Variants in EVI5L observed in about 807,000 individuals in gnomAD.
EVI5L encodes ecotropic viral integration site 5 like, also known as EVI5-like protein.
In EVI5L, 30 loss-of-function variants were observed where a neutral mutation model predicts 106.1. That is an observed-to-expected ratio of 0.28 (90% confidence interval 0.21 to 0.38). The LOEUF is 0.38. EVI5L is among the 10% of genes least tolerant of loss of function. The pLI is 1.00. For synonymous variants in EVI5L, 489 were observed against 483.3 expected (o/e 1.01, Z -0.15); for missense variants, 809 against 1,098.0 (o/e 0.74, Z 3.72).
intron 1 of EVI5L, among the ~76,000 whole-genome samples, chr19:7,844,412 G>A (rs2146420907): frequency 6.6e-6 from 1 of 151,822 alleles, no homozygotes; most frequent in African/African-American, 2.4e-5. Flanking sequence ...CCCTGAGCTT[G>A]GGTTTCTTTG....
In EVI5L at chr19:7,863,314, G is replaced by A. The variant is rs1358513452; in HGVS notation, c.2139+34G>A. 18 of 1,549,094 alleles carry A rather than the reference G, an allele frequency of 1.2e-5. No individual in the cohort carries two copies. Among genetic ancestry groups the A allele is most frequent in the Non-Finnish European group, 1.5e-5 (17 of 1,146,472 alleles). ...GCGCGGGGATGCCGGGGACAGGCCT[G>A]GGTGTCGTCGGCCTGGGACGAGCCG... is the stretch of plus-strand genomic sequence containing the variant. On this transcript the variant is annotated intron_variant, in intron 19 of 19. Transcript: ENST00000538904. This position sits in a 1 kb window ranked among gnomAD's most constrained non-coding sequence, Gnocchi z 7.7.
In EVI5L at chr19:7,850,006, G is replaced by T; in HGVS notation, c.637G>T (p.Glu213Ter). The change falls in exon 6 of 20, where the codon GAG (glutamate) becomes TAG (stop). Residue 213 changes from glutamate to a stop codon, truncating the protein, a stop_gained. Coordinates refer to ENST00000538904, the MANE Select transcript of EVI5L (RefSeq NM_001159944.3). LOFTEE classifies it high-confidence loss of function. This position sits in a 1 kb window ranked among gnomAD's most constrained non-coding sequence, Gnocchi z 5.4. Reference protein sequence around the residue: ...VGLLLMQMPEEEAFCVFVRLM... With the variant: ...VGLLLMQMPE ...TGCCCGTCCCCCCTAGATGCCTGAG[G>T]AGGAGGCCTTCTGTGTGTTCGTGCG... 1 of 1,596,630 alleles carries T rather than the reference G, an allele frequency of 6.3e-7. No homozygotes were observed.
At chr19:7,852,986 AG>A in intron 8 of EVI5L, 99 bp from the exon 9 acceptor site, 1 of 1,139,374 alleles carries the variant, frequency 8.8e-7, no homozygotes, top group Non-Finnish European at 1.3e-6. Flanking sequence ...CACCCCGGGC[AG>A]ACCCGTTCCT....
Position 7,862,203 on chromosome 19 carries a change from G to T in EVI5L, c.1726G>T (p.Val576Leu). ...VGELQDELMS[V>L]RLREAQALAE... ...CGAGCTGCAGGACGAGCTGATGAGC[G>T]TGCGTCTGCGCGAGGCCCAGGCCCT... Residue 576 changes from valine to leucine, a missense_variant, in exon 16 of 20, where the codon GTG becomes TTG. By Grantham distance (32) the Val-to-Leu change is conservative (BLOSUM62 1). This residue lies in a region of EVI5L where 452 missense variants were observed against 509.9 expected (regional missense o/e 0.89). Coordinates refer to ENST00000538904, the MANE Select transcript of EVI5L (RefSeq NM_001159944.3). 1 of 1,574,406 alleles carries T rather than the reference G, an allele frequency of 6.4e-7. No homozygotes were observed. Among genetic ancestry groups the T allele is most frequent in the South Asian group, 1.2e-5 (1 of 86,336 alleles).
At chr19:7,844,331 C>CAAA (rs71179149) in intron 1 of EVI5L, among the ~76,000 whole-genome samples, 108 of 132,438 alleles carry the variant, frequency 8.2e-4, no homozygotes, top group African/African-American at 3.1e-3. Flanking sequence ...GACTCCGTCT[C>CAAA]AAAAAAAAAA....
In EVI5L at chr19:7,846,687, G is replaced by C; in HGVS notation, c.137+8G>C. ...GCTCGAAGAGCAGAACCGGTGAGTT[G>C]GGGGCTGGGGGATGGGGTGAAATCT... is the stretch of plus-strand genomic sequence containing the variant. On this transcript the variant is annotated splice_region_variant and intron_variant, in intron 2 of 19. Transcript: ENST00000538904. 1 of 1,610,040 alleles carries C rather than the reference G, an allele frequency of 6.2e-7. No individual in the cohort carries two copies.
chr19:7,858,680 C>A lies in EVI5L; in HGVS notation c.1374+349C>A. ...TGTGACTCCTTACGGAGGCTCTTGCCTGTCCCCAGGGTCTGAAGGATTGTT... is the reference window on the plus strand; with the variant it reads ...TGTGACTCCTTACGGAGGCTCTTGCATGTCCCCAGGGTCTGAAGGATTGTT... On this transcript the variant is annotated intron_variant, in intron 13 of 19. Coordinates refer to ENST00000538904, the MANE Select transcript of EVI5L (RefSeq NM_001159944.3). The surrounding 1 kb of genome is among the most constrained non-coding windows in gnomAD (Gnocchi z 5.7). 1 of 191,008 alleles carries A rather than the reference C, an allele frequency of 5.2e-6. No individual in the cohort carries two copies. Among genetic ancestry groups the A allele is most frequent in the Non-Finnish European group, 1.0e-5 (1 of 99,176 alleles). The allele number at this position is 191,008 out of a possible 1,614,324, so 11.8% of individuals were successfully genotyped here.
At chr19:7,846,310 G>A (rs745488538) in intron 1 of EVI5L, among the ~76,000 whole-genome samples, 186 bp from the exon 2 acceptor site, 39 of 152,294 alleles carry the variant, frequency 2.6e-4, no homozygotes, top group Non-Finnish European at 4.4e-4. Context: ...GATCCCAATC[G>A]CCAGGGTCTC....
intron 6 of EVI5L, among the ~76,000 whole-genome samples, chr19:7,851,136 A>G (rs1015144625): frequency 1.3e-5 from 2 of 152,036 alleles, no homozygotes; most frequent in African/African-American, 4.8e-5. Flanking sequence ...ACACCCTCTC[A>G]GGCTGTCGTG....
chr19:7,859,166 G>A (rs971136268), intron 13 of EVI5L: 6 of 150,350 alleles, frequency 4.0e-5, no homozygotes, highest in African/African-American at 1.2e-4. Flanking sequence ...ACTCCAGCCT[G>A]GGTGACAGAG....
intron 1 of EVI5L, among the ~76,000 whole-genome samples, chr19:7,844,332 A>C (rs1230670364): frequency 5.2e-5 from 1 of 19,158 alleles, no homozygotes; most frequent in African/African-American, 1.1e-4. Flanking sequence ...ACTCCGTCTC[A>C]AAAAAAAAAA....
intron 1 of EVI5L, among the ~76,000 whole-genome samples, chr19:7,843,569 A>AGT (rs140318892): frequency 0.078 from 10,921 of 139,176 alleles, 562 homozygotes; most frequent in Middle Eastern, 0.14. Flanking sequence ...TAGGTATGTG[A>AGT]GTGTGAGAAT....
Position 7,849,112 on chromosome 19 carries a change from C to G in EVI5L, c.519C>G (p.Ser173Arg). 2 of 1,609,562 alleles carry G rather than the reference C, an allele frequency of 1.2e-6. No homozygotes were observed. The highest frequency in any genetic ancestry group is 2.2e-5 in the South Asian group (2 of 90,470). Residue 173 changes from serine (S) to arginine (R), a missense_variant, in exon 4 of 20, where the codon AGC (serine) becomes AGG (arginine). Coordinates refer to ENST00000538904, the MANE Select transcript of EVI5L (RefSeq NM_001159944.3). ...ATGAGTTCTTCAAGGGCCAGGACAGCCTGGGCCAGGAGGTCCTCTTCAACG... is the reference window on the plus strand; with the variant it reads ...ATGAGTTCTTCAAGGGCCAGGACAGGCTGGGCCAGGAGGTCCTCTTCAACG... ...PEHEFFKGQD[S>R]LGQEVLFNVM...
At chr19:7,854,007 C>T (rs1396692225) in intron 10 of EVI5L, among the ~76,000 whole-genome samples, 3 of 152,128 alleles carry the variant, frequency 2.0e-5, no homozygotes, top group Admixed American at 2.0e-4. Context: ...TATTGCCGGG[C>T]GCGATGGCTC....
At chr19:7,839,976 G>T (rs771351315) in intron 1 of EVI5L, among the ~76,000 whole-genome samples, 8 of 152,110 alleles carry the variant, frequency 5.3e-5, no homozygotes, top group Non-Finnish European at 1.2e-4. Context: ...TGAGGTGTGG[G>T]ATGTGGGTGG....
chr19:7,863,603 C>T lies in EVI5L; in HGVS notation c.2319C>T (p.Phe773=), dbSNP rs1196607864. Residue 773 remains phenylalanine (F), a synonymous_variant, in exon 20 of 20, where the codon TTC becomes TTT. Coordinates refer to ENST00000538904, the MANE Select transcript of EVI5L (RefSeq NM_001159944.3). The surrounding 1 kb of genome is among the most constrained non-coding windows in gnomAD (Gnocchi z 7.7). ...LYPLSPRDAR[F]FRRLERPAKD... is the part of the protein sequence containing the mutation. Reference sequence around the variant, plus strand: ...CTCTGTCCCCGCGCGATGCGCGCTTCTTCCGCCGTCTGGAGCGGCCGGCCA... The same window carrying T: ...CTCTGTCCCCGCGCGATGCGCGCTTTTTCCGCCGTCTGGAGCGGCCGGCCA... The T allele has an allele frequency of 3.2e-6, 5 of 1,574,898 alleles. No homozygotes were observed. In the Admixed American group the frequency reaches 9.1e-5, roughly 29 times the overall value.
rs1978322277 is a variant in EVI5L at position 7,835,197 on chromosome 19, A to G, written c.-48+4816A>G. On this transcript the variant is annotated intron_variant, in intron 1 of 19. Coordinates refer to ENST00000538904, the MANE Select transcript of EVI5L (RefSeq NM_001159944.3). This position sits in a 1 kb window ranked among gnomAD's most constrained non-coding sequence, Gnocchi z 4.1. ...ATTGAGGCAAAATACATCATACCCA[A>G]GGTTACAAAGATAGAAAGTGGTAGA... 1.3e-5 allele frequency among the ~76,000 whole-genome samples: 2 copies of G among 151,212 alleles called. No homozygotes were observed. The highest frequency in any genetic ancestry group is 3.0e-5 in the Non-Finnish European group (2 of 67,694).
chr19:7,853,282 G>A lies in EVI5L; in HGVS notation c.1095G>A (p.Lys365=). ...YNPKKMKRLE[K]EYAAMKSKEM... Reference sequence around the variant, plus strand: ...CCCTCCCGATCTGCAGGCTGGAGAAGGAGTACGCAGCCATGAAGAGCAAGG... The same window carrying A: ...CCCTCCCGATCTGCAGGCTGGAGAAAGAGTACGCAGCCATGAAGAGCAAGG... The change falls in exon 10 of 20, where the codon AAG becomes AAA. Residue 365 remains lysine (K), a synonymous_variant. Transcript: ENST00000538904. 6.2e-7 allele frequency: 1 copy of A among 1,613,896 alleles called. No homozygotes were observed. Among genetic ancestry groups the A allele is most frequent in the Non-Finnish European group, 8.5e-7 (1 of 1,179,958 alleles).
chr19:7,863,559 C>T lies in EVI5L; in HGVS notation c.2275C>T (p.Leu759=), dbSNP rs1979965358. The change falls in exon 20 of 20, where the codon CTG becomes TTG. Residue 759 remains leucine (L), a synonymous_variant. Coordinates refer to ENST00000538904, the MANE Select transcript of EVI5L (RefSeq NM_001159944.3). The surrounding 1 kb of genome is among the most constrained non-coding windows in gnomAD (Gnocchi z 7.7). Reference sequence around the variant, plus strand: ...ACTTGGCGTAGGCGTGGGCGCTGCCCTGCAGGACGCATTGTACCCTCTGTC... The same window carrying T: ...ACTTGGCGTAGGCGTGGGCGCTGCCTTGCAGGACGCATTGTACCCTCTGTC... ...ELLGVGVGAA[L]QDALYPLSPR... The T allele has an allele frequency of 1.9e-6, 3 of 1,599,624 alleles. No homozygotes were observed. Among genetic ancestry groups the T allele is most frequent in the African/African-American group, 1.3e-5 (1 of 74,526 alleles).
Sources: allele counts gnomAD v4.1 joint callset (sites outside exome capture counted in the v4.1 genomes callset), GRCh38; gene constraint gnomAD v4.1.1; regional missense constraint gnomAD v4.1.1; non-coding constraint Gnocchi (gnomAD v3.1); transcripts MANE v1.5; gene names NCBI Gene and HGNC (gene_info 2026-07-23, HGNC 2026-07-21).